CHD9: variants seen among roughly 807,000 people sequenced by gnomAD.
CHD9 encodes the protein ATP-dependent chromatin remodeler CHD9.
Under a neutral mutation model 316.1 loss-of-function variants are expected in CHD9, and 77 were observed. The ratio of observed to expected loss-of-function variants is 0.24; its 90% CI spans 0.20 to 0.29. The LOEUF (loss-of-function observed/expected upper bound fraction) is 0.29, where lower values mean the gene tolerates loss of function less well. Among genes scored for constraint, CHD9 ranks in the 10% least tolerant of loss-of-function variants. The pLI, the probability that CHD9 is intolerant of heterozygous loss-of-function variation, is 1.00. For synonymous variants in CHD9, 1,129 were observed against 1,158.3 expected (o/e 0.97, Z 0.51); for missense variants, 2,763 against 3,438.1 (o/e 0.80, Z 4.91).
intron 1 of CHD9, among the ~76,000 whole-genome samples, chr16:53,093,241 T>C (rs1355354680): frequency 6.6e-6 from 1 of 152,244 alleles, no homozygotes; most frequent in Admixed American, 6.5e-5. Context: ...CACAACCTAT[T>C]CAGCTAGCTA....
rs538695641 is a variant in CHD9, at chr16:53,158,250, A to G, written c.1452+709A>G. 5.3e-5 allele frequency among the ~76,000 whole-genome samples: 8 copies of G among 152,350 alleles called. 2 individuals carry two copies. The highest frequency in any genetic ancestry group is 1.9e-4 in the African/African-American group (8 of 41,586). On this transcript the variant is annotated intron_variant, in intron 2 of 38. Transcript: ENST00000447540. Reference sequence around the variant, plus strand: ...TAACCCAGACATAGCAGAAGTATATACCCAAAGATATTTGTCTTAATATAC... The same window carrying G: ...TAACCCAGACATAGCAGAAGTATATGCCCAAAGATATTTGTCTTAATATAC...
At chr16:53,227,374 A>G (rs779199152) in intron 5 of CHD9, 22 bp from the exon 6 acceptor site, 1 of 1,498,858 alleles carries the variant, frequency 6.7e-7, no homozygotes, top group Non-Finnish European at 9.1e-7. Flanking sequence ...TTCTGTCATT[A>G]TTTCTTTCCT....
chr16:53,226,581 G>A (rs984411688), intron 5 of CHD9, 69 bp downstream of exon 5: 1 of 1,514,040 alleles, frequency 6.6e-7, no homozygotes, highest in African/African-American at 1.4e-5. Context: ...TACTTGCATT[G>A]TTTTTCCTAC....
intron 23 of CHD9, 126 bp from the exon 24 acceptor site, chr16:53,274,087 A>C (rs2052556902): frequency 1.5e-6 from 1 of 686,680 alleles, no homozygotes. Flanking sequence ...AGATTCATTT[A>C]ATCAGAAGTA....
At chr16:53,206,794 A>G (rs1487104834) in intron 2 of CHD9, among the ~76,000 whole-genome samples, 2 of 152,198 alleles carry the variant, frequency 1.3e-5, no homozygotes, top group African/African-American at 2.4e-5. Flanking sequence ...CTACTATCAG[A>G]GTATTTCTCT....
intron 2 of CHD9, among the ~76,000 whole-genome samples, chr16:53,171,205 C>T (rs967871150): frequency 6.6e-6 from 1 of 151,972 alleles, no homozygotes; most frequent in Non-Finnish European, 1.5e-5. Context: ...GTCAGGAGAT[C>T]GAGACTATCC....
At chr16:53,130,105 G>C (rs991238052) in intron 1 of CHD9, among the ~76,000 whole-genome samples, 4 of 152,120 alleles carry the variant, frequency 2.6e-5, no homozygotes, top group Admixed American at 2.6e-4. Flanking sequence ...CCTGAGCCTC[G>C]GGAAGACAGG....
At chr16:53,250,156 C>G in intron 17 of CHD9, 90 bp downstream of exon 17, 1 of 776,542 alleles carries the variant, frequency 1.3e-6, no homozygotes, top group Non-Finnish European at 2.1e-6. Flanking sequence ...TTATTTTTAT[C>G]TGGACAAACT....
chr16:53,270,832 T>C lies in CHD9; in HGVS notation c.4717+2706T>C, dbSNP rs555138332. Reference sequence around the variant, plus strand: ...CCAAATGTCTTAGGAATTTGTGACATCAGGAACCTCTGGAAGTGGGTGTAT... The same window carrying C: ...CCAAATGTCTTAGGAATTTGTGACACCAGGAACCTCTGGAAGTGGGTGTAT... On this transcript the variant is annotated intron_variant, in intron 22 of 38. Coordinates refer to ENST00000447540, the MANE Select transcript of CHD9 (RefSeq NM_001308319.2). Among the ~76,000 whole-genome samples, 71 of 152,230 alleles carry C rather than the reference T, an allele frequency of 4.7e-4. 2 individuals are homozygous for C. The South Asian group carries it at 0.013, about 28-fold the overall frequency.
At chr16:53,203,744 C>G (rs977145147) in intron 2 of CHD9, among the ~76,000 whole-genome samples, 2 of 151,998 alleles carry the variant, frequency 1.3e-5, no homozygotes, top group Admixed American at 6.6e-5. Context: ...TCAAGTAGAG[C>G]CAGGCGTGGT....
At chr16:53,077,145 G>A (rs1332177175) in intron 1 of CHD9, among the ~76,000 whole-genome samples, 2 of 151,846 alleles carry the variant, frequency 1.3e-5, no homozygotes, top group Non-Finnish European at 2.9e-5. Context: ...GTGCCACCAC[G>A]CCTAACTAAT....
At chr16:53,081,892 C>G (rs1371381700) in intron 1 of CHD9, among the ~76,000 whole-genome samples, 1 of 150,932 alleles carries the variant, frequency 6.6e-6, no homozygotes, top group Non-Finnish European at 1.5e-5. Flanking sequence ...ACCTTGGATA[C>G]TTTTCCTCTT....
chr16:53,301,718 C>T (rs777808630), intron 30 of CHD9, among the ~76,000 whole-genome samples: 6 of 150,614 alleles, frequency 4.0e-5, no homozygotes, highest in South Asian at 2.1e-4. Context: ...AAAAAATGTA[C>T]GAGGAGTTTC....
At chr16:53,282,212 ACACACATGCGTG>A (rs1316085281) in intron 24 of CHD9, among the ~76,000 whole-genome samples, 1 of 152,152 alleles carries the variant, frequency 6.6e-6, no homozygotes, top group African/African-American at 2.4e-5. Context: ...ACTTACACAT[ACACACATGCGTG>A]CACACAACAA....
chr16:53,185,930 A>C (rs1403924151), intron 2 of CHD9, among the ~76,000 whole-genome samples: 2 of 152,234 alleles, frequency 1.3e-5, no homozygotes, highest in Non-Finnish European at 2.9e-5. Flanking sequence ...AAAGGCTTGG[A>C]TGTCCAGGCA....
chr16:53,113,470 G>T (rs1335905962), intron 1 of CHD9, among the ~76,000 whole-genome samples: 1 of 143,916 alleles, frequency 6.9e-6, no homozygotes, highest in African/African-American at 2.6e-5. Context: ...ATGCTACCAC[G>T]CCCAGCTAAT....
intron 10 of CHD9, among the ~76,000 whole-genome samples, chr16:53,233,391 T>G (rs898347128): frequency 9.2e-5 from 14 of 152,174 alleles, no homozygotes; most frequent in Admixed American, 8.5e-4. Context: ...TCTGTCCCTG[T>G]AGAGTTGGGG....
intron 32 of CHD9, among the ~76,000 whole-genome samples, chr16:53,306,666 C>T (rs893006869): frequency 6.6e-6 from 1 of 152,200 alleles, no homozygotes; most frequent in African/African-American, 2.4e-5. Context: ...CTTTATGAAA[C>T]AGGTGCTTTT....
At chr16:53,063,969 G>T (rs925025065) in intron 1 of CHD9, among the ~76,000 whole-genome samples, 1 of 151,664 alleles carries the variant, frequency 6.6e-6, no homozygotes, top group Non-Finnish European at 1.5e-5. Context: ...GAGTAGCTGG[G>T]GGTACAGACC....
Sources: gnomAD v4.1 joint callset for allele counts (sites outside exome capture counted in the v4.1 genomes callset) on GRCh38, gnomAD v4.1.1 for gene constraint, MANE v1.5 for transcripts, NCBI Gene and HGNC (gene_info 2026-07-23, HGNC 2026-07-21) for gene names.